The following TEX9 variants were observed in gnomAD, a reference collection of about 807,000 sequenced individuals.
TEX9 encodes the protein testis expressed 9.
Under a neutral mutation model 59.6 loss-of-function variants are expected in TEX9, and 74 were observed. The ratio of observed to expected loss-of-function variants is 1.24; its 90% CI spans 1.03 to 1.51. The LOEUF (loss-of-function observed/expected upper bound fraction) is 1.51, where lower values mean the gene tolerates loss of function less well. TEX9 is among the 40% of genes most tolerant of loss of function. TEX9 has a pLI of 0.00. For synonymous variants in TEX9, 186 were observed against 152.2 expected, an observed-to-expected ratio of 1.22 and a Z score of -1.64; for missense variants, 522 against 447.8, an observed-to-expected ratio of 1.17 and a Z score of -1.49.
At chr15:56,320,129 C>T (rs2713899) in intron 1 of TEX9, among the ~76,000 whole-genome samples, 63,874 of 152,058 alleles carry the variant, frequency 0.42, 15,366 homozygotes, top group Non-Finnish European at 0.55. Flanking sequence ...ATCTTTTAAA[C>T]TCTCATTTTA....
chr15:56,439,550 A>G (rs1230653736), intron 12 of TEX9, among the ~76,000 whole-genome samples: 1 of 152,160 alleles, frequency 6.6e-6, no homozygotes. Context: ...TAGAGACCAC[A>G]GGAATAGACC....
the TEX9 span, among the ~76,000 whole-genome samples, chr15:56,460,009 A>AAAAAAATATATATATATATATAT: frequency 1.3e-3 from 34 of 26,368 alleles, 6 homozygotes; most frequent in Non-Finnish European, 2.0e-3. Context: ...AAAAAAAAAA[A>AAAAAAATATATATATATATATAT]ATACATATAT....
chr15:56,334,080 A>G (rs1459012207), intron 1 of TEX9, among the ~76,000 whole-genome samples: 6 of 152,206 alleles, frequency 3.9e-5, no homozygotes, highest in Non-Finnish European at 5.9e-5. Flanking sequence ...TAAAATGTTT[A>G]CATGTCCCAA....
At chr15:56,456,482 G>A in the TEX9 span, 83 of 1,611,524 alleles carry the variant, frequency 5.2e-5, no homozygotes, top group Non-Finnish European at 6.9e-5. Flanking sequence ...TTTTCTTCTT[G>A]TTTGAGCTGG....
chr15:56,341,410 G>T (rs946411486), intron 1 of TEX9, among the ~76,000 whole-genome samples: 1 of 152,152 alleles, frequency 6.6e-6, no homozygotes, highest in East Asian at 1.9e-4. Context: ...TGAATTATCA[G>T]TGTTCAACCT....
At chr15:56,369,346 T>C (rs1178096392) in intron 2 of TEX9, among the ~76,000 whole-genome samples, 1 of 147,184 alleles carries the variant, frequency 6.8e-6, no homozygotes, top group Non-Finnish European at 1.5e-5. Flanking sequence ...CATGGCACCA[T>C]GCCATGCTAA....
chr15:56,262,929 A>G (rs1310743524), intron 1 of TEX9, among the ~76,000 whole-genome samples: 1 of 152,200 alleles, frequency 6.6e-6, no homozygotes, highest in African/African-American at 2.4e-5. Flanking sequence ...AACTTTCTTT[A>G]GGTTGCTGTT....
chr15:56,363,329 A>C (rs879681318), upstream of TEX9, among the ~76,000 whole-genome samples: 5 of 148,188 alleles, frequency 3.4e-5, no homozygotes, highest in Non-Finnish European at 7.4e-5. Flanking sequence ...CAGTGGTGCT[A>C]TCTCGGCTCA....
intron 1 of TEX9, among the ~76,000 whole-genome samples, chr15:56,272,732 T>C (rs1409750192): frequency 1.3e-5 from 2 of 152,152 alleles, no homozygotes; most frequent in Non-Finnish European, 2.9e-5. Flanking sequence ...CCCAATAGAT[T>C]TGACTTAAAA....
intron 1 of TEX9, among the ~76,000 whole-genome samples, chr15:56,302,382 G>C (rs2045381708): frequency 6.6e-6 from 1 of 150,784 alleles, no homozygotes; most frequent in South Asian, 2.1e-4. Flanking sequence ...ATAGCTATGT[G>C]TGCTGGCATG....
chr15:56,297,177 G>A (rs2045237331), intron 1 of TEX9, among the ~76,000 whole-genome samples: 1 of 152,312 alleles, frequency 6.6e-6, no homozygotes, highest in Admixed American at 6.5e-5. Flanking sequence ...GACTTGGAAT[G>A]TACCTACCAA....
chr15:56,433,284 G>A (rs2050649050), intron 12 of TEX9, among the ~76,000 whole-genome samples: 1 of 151,886 alleles, frequency 6.6e-6, no homozygotes, highest in South Asian at 2.1e-4. Context: ...GGGGAAGGGA[G>A]AGCATTAGGA....
chr15:56,248,000 T>A (rs1373820589), intron 1 of TEX9, among the ~76,000 whole-genome samples: 1 of 152,234 alleles, frequency 6.6e-6, no homozygotes, highest in Non-Finnish European at 1.5e-5. Context: ...CAATTCTTCC[T>A]TGATAGCAGA....
At chr15:56,424,313 T>G (rs2050140436) in intron 10 of TEX9, among the ~76,000 whole-genome samples, 1 of 152,210 alleles carries the variant, frequency 6.6e-6, no homozygotes, top group South Asian at 2.1e-4. Flanking sequence ...CACTCCTGTG[T>G]TCTTTTGGTT....
chr15:56,314,626 A>G (rs150681655), intron 1 of TEX9, among the ~76,000 whole-genome samples: 18,162 of 151,818 alleles, frequency 0.12, 1,472 homozygotes, highest in East Asian at 0.38. Flanking sequence ...AGTATATTCT[A>G]TTGATTTGGG....
downstream of TEX9, among the ~76,000 whole-genome samples, chr15:56,449,816 C>T (rs577395903): frequency 9.2e-5 from 14 of 152,290 alleles, 1 homozygote; most frequent in African/African-American, 3.4e-4. Flanking sequence ...ATTTCATTTA[C>T]ATTTTCAAAT....
intron 1 of TEX9, among the ~76,000 whole-genome samples, chr15:56,318,313 T>C (rs1429442572): frequency 6.6e-6 from 1 of 152,178 alleles, no homozygotes; most frequent in Non-Finnish European, 1.5e-5. Context: ...GATATAAATA[T>C]AGCTGCTCCA....
chr15:56,452,080 G>C, the TEX9 span, among the ~76,000 whole-genome samples: 1 of 151,990 alleles, frequency 6.6e-6, no homozygotes, highest in Admixed American at 6.6e-5. Context: ...CTTTCTACTT[G>C]TCTTCCCTGT....
chr15:56,268,177 A>G (rs1697501499), intron 1 of TEX9, among the ~76,000 whole-genome samples: 1 of 152,212 alleles, frequency 6.6e-6, no homozygotes, highest in Non-Finnish European at 1.5e-5. Context: ...ATGATTTTGT[A>G]TCCTGAGACT....
Sources: allele counts gnomAD v4.1 joint callset (sites outside exome capture counted in the v4.1 genomes callset), GRCh38; gene constraint gnomAD v4.1.1; transcripts MANE v1.5; gene names NCBI Gene and HGNC (gene_info 2026-07-23, HGNC 2026-07-21).